Variants in ADAMTS6 observed in about 807,000 individuals in gnomAD.
ADAMTS6 encodes ADAM metallopeptidase with thrombospondin type 1 motif 6.
In ADAMTS6, 23 loss-of-function variants were observed where a neutral mutation model predicts 144.3. That is an observed-to-expected ratio of 0.16 (90% CI 0.11 to 0.23). The LOEUF is 0.23. ADAMTS6 is among the 10% of genes least tolerant of loss of function. The pLI is 1.00. For synonymous variants in ADAMTS6, 444 were observed against 457.5 expected (o/e 0.97, Z 0.38); for missense variants, 999 against 1,379.6 (o/e 0.72, Z 4.37).
At chr5:65,419,953 T>C (rs1248899524) in intron 7 of ADAMTS6, among the ~76,000 whole-genome samples, 1 of 152,210 alleles carries the variant, frequency 6.6e-6, no homozygotes, top group Non-Finnish European at 1.5e-5. Context: ...ATTAGTCCAT[T>C]CTCACATTGC....
At chr5:65,323,483 C>T (rs188317574) in intron 9 of ADAMTS6, among the ~76,000 whole-genome samples, 5 of 152,056 alleles carry the variant, frequency 3.3e-5, no homozygotes, top group Middle Eastern at 3.4e-3. Context: ...TTCCATGGTG[C>T]ATATGTGCCA....
chr5:65,167,364 C>G (rs1579939508), intron 24 of ADAMTS6, among the ~76,000 whole-genome samples: 1 of 152,072 alleles, frequency 6.6e-6, no homozygotes, highest in East Asian at 1.9e-4. Flanking sequence ...AGACCAATAA[C>G]AGGAGCTGAA....
chr5:65,305,823 C>T (rs976919524), intron 9 of ADAMTS6, among the ~76,000 whole-genome samples: 1 of 152,138 alleles, frequency 6.6e-6, no homozygotes, highest in African/African-American at 2.4e-5. Context: ...GACACACACA[C>T]ACACAGGCAC....
At chr5:65,261,926 C>G (rs116260349) in intron 13 of ADAMTS6, among the ~76,000 whole-genome samples, 2,173 of 150,238 alleles carry the variant, frequency 0.014, 54 homozygotes, top group African/African-American at 0.05. Flanking sequence ...TAAAAATAGA[C>G]CATCTTTTAT....
intron 7 of ADAMTS6, among the ~76,000 whole-genome samples, chr5:65,447,375 G>C (rs1192966067): frequency 6.6e-6 from 1 of 152,008 alleles, no homozygotes; most frequent in African/African-American, 2.4e-5. Flanking sequence ...AAGTATGGGA[G>C]GCAACACATA....
chr5:65,310,584 G>A (rs1324049245), intron 9 of ADAMTS6, among the ~76,000 whole-genome samples: 2 of 152,126 alleles, frequency 1.3e-5, no homozygotes, highest in African/African-American at 4.8e-5. Flanking sequence ...TTATCTCTGA[G>A]AATGGCTCAA....
At chr5:65,226,264 A>C in intron 15 of ADAMTS6, 45 bp from the exon 16 acceptor site, 1 of 1,595,448 alleles carries the variant, frequency 6.3e-7, no homozygotes, top group Non-Finnish European at 8.6e-7. Flanking sequence ...TGGTTGTCCT[A>C]ATGAACAGTG....
chr5:65,458,116 T>C (rs574692913), intron 4 of ADAMTS6, among the ~76,000 whole-genome samples: 2 of 152,300 alleles, frequency 1.3e-5, no homozygotes, highest in Non-Finnish European at 2.9e-5. Flanking sequence ...TAATGGTTCA[T>C]TTCATTACTC....
chr5:65,464,936 C>G (rs933216861), intron 3 of ADAMTS6, among the ~76,000 whole-genome samples: 1 of 152,180 alleles, frequency 6.6e-6, no homozygotes, highest in Admixed American at 6.5e-5. Context: ...TCACTTCCCT[C>G]ACAACCCAGC....
chr5:65,291,297 A>C (rs1742279184), intron 11 of ADAMTS6, 32 bp downstream of exon 11: 1 of 1,593,396 alleles, frequency 6.3e-7, no homozygotes, highest in African/African-American at 1.3e-5. Context: ...AACACGTATA[A>C]ATGACGAAAC....
intron 15 of ADAMTS6, among the ~76,000 whole-genome samples, chr5:65,239,934 C>T (rs1274343030): frequency 2.0e-5 from 3 of 152,172 alleles, no homozygotes; most frequent in Non-Finnish European, 4.4e-5. Context: ...GGAAAAACAT[C>T]TGGCAGTTTC....
intron 22 of ADAMTS6, among the ~76,000 whole-genome samples, chr5:65,173,898 C>T (rs1744850381): frequency 6.6e-6 from 1 of 151,974 alleles, no homozygotes; most frequent in Non-Finnish European, 1.5e-5. Context: ...TGGTGTGTGT[C>T]TGTAGCCCCA....
rs920586183 is a variant in ADAMTS6 at position 65,332,640 on chromosome 5, A to G, written c.1117+1402T>C. ...ATGATTTTAACCATGTCCATGTAGCATAAGGGCAGATATTACTCCTACATC... is the reference window on the plus strand; with the variant it reads ...ATGATTTTAACCATGTCCATGTAGCGTAAGGGCAGATATTACTCCTACATC... On this transcript the variant is annotated intron_variant, in intron 8 of 24. Transcript: ENST00000381055. Among the ~76,000 whole-genome samples, 4 of 152,146 alleles carry G rather than the reference A, an allele frequency of 2.6e-5. No homozygotes were observed. In the East Asian group the frequency reaches 5.8e-4, roughly 22 times the overall value.
At chr5:65,370,614 C>T (rs1234050658) in intron 7 of ADAMTS6, among the ~76,000 whole-genome samples, 6 of 152,216 alleles carry the variant, frequency 3.9e-5, no homozygotes, top group Admixed American at 1.3e-4. Context: ...GCACCTGGAT[C>T]GGAGGGTCCT....
intron 22 of ADAMTS6, among the ~76,000 whole-genome samples, chr5:65,179,956 GCGCACACACA>G (rs1482306337): frequency 2.8e-5 from 4 of 142,286 alleles, no homozygotes; most frequent in Admixed American, 1.4e-4. Flanking sequence ...GTGCACGCAC[GCGCACACACA>G]CACACACACA....
At chr5:65,299,516 C>A (rs1038894453) in intron 10 of ADAMTS6, among the ~76,000 whole-genome samples, 5 of 152,112 alleles carry the variant, frequency 3.3e-5, no homozygotes, top group African/African-American at 1.2e-4. Flanking sequence ...TCGCTTAATA[C>A]ACTTTCAAAA....
intron 7 of ADAMTS6, among the ~76,000 whole-genome samples, chr5:65,335,125 T>C (rs1284873644): frequency 6.6e-6 from 1 of 152,152 alleles, no homozygotes; most frequent in Non-Finnish European, 1.5e-5. Flanking sequence ...CCAGACTAAA[T>C]TGTATATTAT....
At chr5:65,311,045 T>C (rs1401130622) in intron 9 of ADAMTS6, among the ~76,000 whole-genome samples, 1 of 152,150 alleles carries the variant, frequency 6.6e-6, no homozygotes, top group East Asian at 1.9e-4. Flanking sequence ...ACTTTTGTTT[T>C]CATCATCACT....
intron 7 of ADAMTS6, among the ~76,000 whole-genome samples, chr5:65,434,546 A>AT (rs1757240099): frequency 1.3e-5 from 2 of 152,204 alleles, no homozygotes; most frequent in South Asian, 4.1e-4. Context: ...GGAAAAGTAC[A>AT]TTACAATAAG....
Sources: allele counts gnomAD v4.1 joint callset (sites outside exome capture counted in the v4.1 genomes callset), GRCh38; gene constraint gnomAD v4.1.1; transcripts MANE v1.5; gene names NCBI Gene and HGNC (gene_info 2026-07-23, HGNC 2026-07-21).